CHL1: variants seen among roughly 807,000 people sequenced by gnomAD.
The protein encoded by CHL1 is neural cell adhesion molecule L1-like protein.
CHL1 carries 96 observed loss-of-function variants against 141.9 expected under a neutral mutation model. That is an observed-to-expected ratio of 0.68 (90% CI 0.57 to 0.80). CHL1 has a LOEUF of 0.80. Ranked by LOEUF, CHL1 falls within the 30% of genes least tolerant of loss-of-function variation. CHL1 has a pLI of 0.00. For missense variants in CHL1, 1,820 were observed against 1,457.2 expected (o/e 1.25, Z -4.05); for synonymous variants, 613 against 502.2 (o/e 1.22, Z -2.95).
chr3:314,421 T>A (rs899775290), intron 2 of CHL1, among the ~76,000 whole-genome samples: 1 of 147,368 alleles, frequency 6.8e-6, no homozygotes, highest in Admixed American at 6.9e-5. Flanking sequence ...CTATCTCTTC[T>A]ACCTAAATTA....
intron 2 of CHL1, among the ~76,000 whole-genome samples, chr3:288,773 G>A (rs1697400125): frequency 6.6e-6 from 1 of 152,194 alleles, no homozygotes. Flanking sequence ...TTTTAAATCA[G>A]TGGGACCAGT....
intron 2 of CHL1, among the ~76,000 whole-genome samples, chr3:303,793 G>A (rs1344122211): frequency 6.6e-6 from 1 of 152,198 alleles, no homozygotes; most frequent in East Asian, 1.9e-4. Context: ...GGGCATCCTT[G>A]TCTTGTGCTG....
At chr3:309,425 T>TTCCTTCCTTC (rs60454888) in intron 2 of CHL1, 8 of 150,218 alleles carry the variant, frequency 5.3e-5, no homozygotes, top group African/African-American at 2.0e-4. Flanking sequence ...CTTTTCTTCC[T>TTCCTTCCTTC]CTTTCTTTCT....
intron 26 of CHL1, among the ~76,000 whole-genome samples, chr3:399,378 A>C (rs1258166313): frequency 3.3e-5 from 5 of 152,222 alleles, no homozygotes; most frequent in Admixed American, 6.5e-5. Context: ...GCAGTGGCTC[A>C]CGCCTGTAAT....
At chr3:384,459 A>G (rs973643485) in intron 19 of CHL1, 4 of 152,182 alleles carry the variant, frequency 2.6e-5, no homozygotes, top group African/African-American at 9.6e-5. Context: ...ATGTATGAGG[A>G]TCTTTGGACT....
intron 1 of CHL1, among the ~76,000 whole-genome samples, chr3:200,390 C>G (rs1698807917): frequency 6.6e-6 from 1 of 152,126 alleles, no homozygotes; most frequent in Non-Finnish European, 1.5e-5. Flanking sequence ...AGAGAATGAA[C>G]TTGTCTCTGT....
intron 12 of CHL1, 52 bp from the exon 13 acceptor site, chr3:361,647 A>G (rs962157240): frequency 3.2e-6 from 4 of 1,241,444 alleles, no homozygotes; most frequent in South Asian, 2.4e-5. Flanking sequence ...TTTAATTTGC[A>G]TATCTTTCTT....
chr3:342,973 T>C lies in CHL1; in HGVS notation c.680-11T>C. On this transcript the variant is annotated splice_polypyrimidine_tract_variant and intron_variant, in intron 7 of 27. Coordinates refer to ENST00000256509, the MANE Select transcript of CHL1 (RefSeq NM_006614.4). ...ATGTTTGTGTTTTTTCCTTCCGTTTTTTTATTTCAGTAAAGCATGCTAATG... is the reference window on the plus strand; with the variant it reads ...ATGTTTGTGTTTTTTCCTTCCGTTTCTTTATTTCAGTAAAGCATGCTAATG... 6.2e-7 allele frequency: 1 copy of C among 1,600,404 alleles called. No homozygotes were observed. Among genetic ancestry groups the C allele is most frequent in the Non-Finnish European group, 8.5e-7 (1 of 1,175,560 alleles).
chr3:405,353 C>A (rs1709457990), intron 27 of CHL1, 142 bp from the exon 28 acceptor site: 1 of 599,100 alleles, frequency 1.7e-6, no homozygotes, highest in Non-Finnish European at 2.9e-6. Flanking sequence ...GTGGTAGTAT[C>A]ATGTGGGCTT....
At chr3:216,784 T>C (rs1429314522) in intron 1 of CHL1, among the ~76,000 whole-genome samples, 2 of 152,192 alleles carry the variant, frequency 1.3e-5, no homozygotes, top group Non-Finnish European at 2.9e-5. Context: ...TTGGCAGTGG[T>C]TTCTGGATGG....
intron 11 of CHL1, among the ~76,000 whole-genome samples, chr3:357,624 G>A (rs1703834680): frequency 6.6e-6 from 1 of 152,160 alleles, no homozygotes; most frequent in East Asian, 1.9e-4. Context: ...AGACAAAACT[G>A]AGAAAGAATT....
chr3:389,230 T>C (rs1708029315), intron 19 of CHL1, 22 bp from the exon 20 acceptor site: 1 of 1,563,506 alleles, frequency 6.4e-7, no homozygotes, highest in Admixed American at 1.9e-5. Context: ...TCAGACTAAA[T>C]GAGTCTTGCC....
chr3:370,002 G>A (rs1398832133), intron 15 of CHL1, among the ~76,000 whole-genome samples: 3 of 152,226 alleles, frequency 2.0e-5, no homozygotes, highest in African/African-American at 7.2e-5. Context: ...TGGTCTGCCA[G>A]TATTTTATTG....
At chr3:254,292 T>A (rs1023534099) in intron 2 of CHL1, among the ~76,000 whole-genome samples, 11 of 152,118 alleles carry the variant, frequency 7.2e-5, no homozygotes, top group African/African-American at 2.2e-4. Context: ...TGATCTCACA[T>A]CCCTCACTAA....
chr3:227,493 T>C (rs928367369), intron 1 of CHL1, among the ~76,000 whole-genome samples: 1 of 152,200 alleles, frequency 6.6e-6, no homozygotes, highest in African/African-American at 2.4e-5. Context: ...CAGGCTCATA[T>C]CATTTTCAAA....
intron 11 of CHL1, among the ~76,000 whole-genome samples, chr3:356,257 C>T (rs537872771): frequency 7.7e-4 from 117 of 152,258 alleles, no homozygotes; most frequent in African/African-American, 2.6e-3. Flanking sequence ...AAGTAAGGAA[C>T]GCAGATTCTC....
rs145681628 is a variant in CHL1 at position 334,874 on chromosome 3, G to C, written c.386-5920G>C. Reference sequence around the variant, plus strand: ...TATCCTTCCCGTTCTGCATTGCCTTGTAGATGTCACAAGAATGTGTATTAT... The same window carrying C: ...TATCCTTCCCGTTCTGCATTGCCTTCTAGATGTCACAAGAATGTGTATTAT... On this transcript the variant is annotated intron_variant, in intron 5 of 27. Coordinates refer to ENST00000256509, the MANE Select transcript of CHL1 (RefSeq NM_006614.4). Among the ~76,000 whole-genome samples, 1,296 of 152,210 alleles carry C rather than the reference G, an allele frequency of 8.5e-3. 20 individuals carry two copies. Among genetic ancestry groups the C allele is most frequent in the African/African-American group, 0.03 (1,241 of 41,516 alleles).
chr3:344,623 G>A lies in CHL1; in HGVS notation c.762G>A (p.Leu254=). 2 of 1,612,390 alleles carry A rather than the reference G, an allele frequency of 1.2e-6. No individual in the cohort carries two copies. The highest frequency in any genetic ancestry group is 1.7e-6 in the Non-Finnish European group (2 of 1,179,064). Residue 254 remains leucine (L), a synonymous_variant, in exon 9 of 28, where the codon CTG becomes CTA. Coordinates refer to ENST00000256509, the MANE Select transcript of CHL1 (RefSeq NM_006614.4). ...TCAAGCAAAGAAAACCCAAACTGCT[G>A]TTGCCTCCCACTGAGAGTGGCAGTG... ...NSIKQRKPKL[L]LPPTESGSES...
intron 12 of CHL1, among the ~76,000 whole-genome samples, chr3:360,696 C>T (rs1165067243): frequency 8.7e-5 from 13 of 148,616 alleles, no homozygotes; most frequent in Non-Finnish European, 1.5e-4. Flanking sequence ...CCCACTAACT[C>T]GTCATCTAGC....
Sources: allele counts gnomAD v4.1 joint callset (sites outside exome capture counted in the v4.1 genomes callset), GRCh38; gene constraint gnomAD v4.1.1; transcripts MANE v1.5; gene names NCBI Gene and HGNC (gene_info 2026-07-23, HGNC 2026-07-21).